Variants in SKAP1 observed in about 807,000 individuals in gnomAD.
The protein encoded by SKAP1 is src kinase-associated phosphoprotein 1.
SKAP1 carries 44 observed loss-of-function variants against 58.5 expected under a neutral mutation model. The observed-to-expected ratio is 0.75, with a 90% CI of 0.59 to 0.97. The LOEUF (loss-of-function observed/expected upper bound fraction) is 0.97. Ranked by LOEUF, SKAP1 falls within the 50% of genes least tolerant of loss-of-function variation. The pLI is 0.00. For synonymous variants in SKAP1, 127 were observed against 149.7 expected (o/e 0.85, Z 1.11); for missense variants, 390 against 435.2 (o/e 0.90, Z 0.92).
chr17:48,361,982 C>T (rs561501942), intron 3 of SKAP1, among the ~76,000 whole-genome samples: 7 of 152,292 alleles, frequency 4.6e-5, no homozygotes, highest in African/African-American at 1.7e-4. Context: ...CCTCCTACCC[C>T]TGAAAATATC....
intron 1 of SKAP1, among the ~76,000 whole-genome samples, chr17:48,424,386 C>T (rs2067831978): frequency 6.6e-6 from 1 of 151,658 alleles, no homozygotes; most frequent in Admixed American, 6.6e-5. Context: ...CCACCACGCC[C>T]AGCTAATTTT....
chr17:48,442,416 C>T, the SKAP1 span, among the ~76,000 whole-genome samples: 16 of 152,152 alleles, frequency 1.1e-4, no homozygotes, highest in African/African-American at 3.9e-4. Context: ...GTTTCCAATT[C>T]TGAGCCCTTG....
In SKAP1 at chr17:48,253,356, G is replaced by C. The variant is rs371841900; in HGVS notation, c.281-63856C>G. Among the ~76,000 whole-genome samples the C allele has an allele frequency of 7.9e-5, 12 of 152,274 alleles. No individual in the cohort carries two copies. The East Asian group carries it at 2.1e-3, about 27-fold the overall frequency. ...TAGAATTAAGAAGCAAGGGGAAGGAGGGAGAAGGAAAGATAAATGTAAGAA... is the reference window on the plus strand; with the variant it reads ...TAGAATTAAGAAGCAAGGGGAAGGACGGAGAAGGAAAGATAAATGTAAGAA... On this transcript the variant is annotated intron_variant, in intron 4 of 12. Transcript: ENST00000336915.
chr17:48,166,675 C>G (rs2064145139), intron 10 of SKAP1, among the ~76,000 whole-genome samples: 1 of 152,112 alleles, frequency 6.6e-6, no homozygotes. Flanking sequence ...TTGAGTACAA[C>G]CTCTTAAGTT....
intron 4 of SKAP1, among the ~76,000 whole-genome samples, chr17:48,211,778 G>A (rs984823804): frequency 2.0e-5 from 3 of 151,938 alleles, no homozygotes; most frequent in African/African-American, 4.8e-5. Flanking sequence ...CAAACCCTTC[G>A]CCCTTTCCTC....
chr17:48,331,528 C>T (rs1175508946), intron 4 of SKAP1, among the ~76,000 whole-genome samples: 3 of 151,716 alleles, frequency 2.0e-5, no homozygotes, highest in Non-Finnish European at 2.9e-5. Context: ...GGAGATATCC[C>T]GTCTCTACTA....
chr17:48,352,260 T>C (rs8072521), intron 3 of SKAP1, among the ~76,000 whole-genome samples: 31,379 of 151,918 alleles, frequency 0.21, 3,251 homozygotes, highest in Non-Finnish European at 0.22. Context: ...CCACACTTCA[T>C]AAAGCAAATT....
intron 4 of SKAP1, among the ~76,000 whole-genome samples, chr17:48,311,661 T>C (rs2066226298): frequency 6.6e-6 from 1 of 152,204 alleles, no homozygotes; most frequent in African/African-American, 2.4e-5. Context: ...GAACTGCCCC[T>C]GCCCTTTAAT....
At chr17:48,203,211 A>T (rs571984650) in intron 4 of SKAP1, among the ~76,000 whole-genome samples, 1 of 152,376 alleles carries the variant, frequency 6.6e-6, no homozygotes, top group South Asian at 2.1e-4. Context: ...GTGCACAGGG[A>T]CACAGACACT....
Position 48,170,563 on chromosome 17 carries a change from C to T in SKAP1, c.877+46G>A, listed in dbSNP as rs769519886. The stretch of plus-strand genomic sequence containing the variant: ...GAAAGGTGCTTTCTCTAATCAGAAG[C>T]CCATAATGTCCTACCCAGTGCCTGT... On this transcript the variant is annotated intron_variant, in intron 10 of 12. Transcript: ENST00000336915. 4 of 1,510,938 alleles carry T rather than the reference C, an allele frequency of 2.6e-6. No individual in the cohort carries two copies. The South Asian group carries it at 4.5e-5, about 17-fold the overall frequency. The allele number at this position is 1,510,938 out of a possible 1,614,324, so 93.6% of individuals were successfully genotyped here.
At chr17:48,261,412 G>A (rs2065483075) in intron 4 of SKAP1, among the ~76,000 whole-genome samples, 1 of 152,104 alleles carries the variant, frequency 6.6e-6, no homozygotes, top group Non-Finnish European at 1.5e-5. Flanking sequence ...GAGCTACAGG[G>A]TTAGTTTGGT....
intron 1 of SKAP1, among the ~76,000 whole-genome samples, chr17:48,424,162 T>C (rs1287150754): frequency 1.3e-5 from 2 of 151,824 alleles, no homozygotes; most frequent in Admixed American, 6.6e-5. Flanking sequence ...GGTTCATAGA[T>C]AGCACCTTTT....
chr17:48,190,635 A>G (rs2064528437), intron 4 of SKAP1, among the ~76,000 whole-genome samples: 1 of 152,150 alleles, frequency 6.6e-6, no homozygotes, highest in African/African-American at 2.4e-5. Context: ...AAGTTCATAG[A>G]AGAAGGGCTA....
At chr17:48,376,354 T>C (rs2067150807) in intron 2 of SKAP1, among the ~76,000 whole-genome samples, 1 of 152,164 alleles carries the variant, frequency 6.6e-6, no homozygotes, top group Non-Finnish European at 1.5e-5. Context: ...GATCGCACCA[T>C]AGGAGTTTAA....
chr17:48,373,383 A>G (rs946676110), intron 2 of SKAP1, among the ~76,000 whole-genome samples: 7 of 152,174 alleles, frequency 4.6e-5, no homozygotes, highest in Non-Finnish European at 7.3e-5. Context: ...CTCCCTTGAC[A>G]TGTGGGGTTT....
At chr17:48,162,977 C>T (rs951115287) in intron 10 of SKAP1, among the ~76,000 whole-genome samples, 14 of 152,262 alleles carry the variant, frequency 9.2e-5, no homozygotes, top group African/African-American at 3.4e-4. Flanking sequence ...AAATCTGTGA[C>T]TTCTGCCTAT....
At chr17:48,435,466 TCTG>T in the SKAP1 span, among the ~76,000 whole-genome samples, 2 of 152,216 alleles carry the variant, frequency 1.3e-5, no homozygotes, top group East Asian at 3.8e-4. Context: ...GTGTAGCTAA[TCTG>T]CATGAGAGCA....
At chr17:48,221,583 T>A (rs2065007165) in intron 4 of SKAP1, among the ~76,000 whole-genome samples, 1 of 152,230 alleles carries the variant, frequency 6.6e-6, no homozygotes, top group Non-Finnish European at 1.5e-5. Flanking sequence ...AACCTTCAAG[T>A]ACTGTATAGT....
At chr17:48,201,249 T>C (rs1026375592) in intron 4 of SKAP1, among the ~76,000 whole-genome samples, 1 of 151,104 alleles carries the variant, frequency 6.6e-6, no homozygotes, top group Non-Finnish European at 1.5e-5. Context: ...GAGAAATAAA[T>C]TTCTCTCTCT....
Sources: allele counts gnomAD v4.1 joint callset (sites outside exome capture counted in the v4.1 genomes callset), GRCh38; gene constraint gnomAD v4.1.1; transcripts MANE v1.5; gene names NCBI Gene and HGNC (gene_info 2026-07-23, HGNC 2026-07-21).